Variants in TUSC3 observed in about 807,000 individuals in gnomAD.
TUSC3 encodes the protein dolichyl-diphosphooligosaccharide--protein glycosyltransferase subunit TUSC3.
TUSC3 carries 45 observed loss-of-function variants against 44.8 expected under a neutral mutation model. That is an observed-to-expected ratio of 1.00 (90% CI 0.79 to 1.29). TUSC3 has a LOEUF of 1.29. Among genes scored for constraint, TUSC3 ranks in the 50% most tolerant of loss-of-function variants. The pLI is 0.00. For synonymous variants in TUSC3, 212 were observed against 152.9 expected, an observed-to-expected ratio of 1.39 and a Z score of -2.85; for missense variants, 519 against 437.9, an observed-to-expected ratio of 1.19 and a Z score of -1.65.
intron 1 of TUSC3, among the ~76,000 whole-genome samples, chr8:15,595,110 C>T (rs1804009457): frequency 6.6e-6 from 1 of 152,192 alleles, no homozygotes; most frequent in African/African-American, 2.4e-5. Context: ...GCATTCCCAT[C>T]ACTTTGTTAT....
the TUSC3 span, among the ~76,000 whole-genome samples, chr8:15,799,014 C>G: frequency 5.7e-4 from 87 of 152,282 alleles, no homozygotes; most frequent in African/African-American, 2.0e-3. Context: ...TAGTCAATGT[C>G]TCTTCTATGG....
chr8:15,806,492 T>C, the TUSC3 span: 11 of 1,017,048 alleles, frequency 1.1e-5, no homozygotes, highest in Admixed American at 5.1e-5. Context: ...GACTATTTCA[T>C]TGTAAACTTT....
In TUSC3 at chr8:15,633,710, C is replaced by G. The variant is rs540440544; in HGVS notation, c.308+10461C>G. Among the ~76,000 whole-genome samples the G allele has an allele frequency of 2.0e-5, 3 of 152,254 alleles. No individual in the cohort carries two copies. In the South Asian group the frequency reaches 6.2e-4, roughly 32 times the overall value. On this transcript the variant is annotated intron_variant, in intron 2 of 10. Coordinates refer to ENST00000503731, the MANE Select transcript of TUSC3 (RefSeq NM_006765.4). ...GCCAGGGAATGTCAGGTATTGACAG[C>G]CATCATCAGAAGCTAGGAAGAGGCA...
intron 1 of TUSC3, among the ~76,000 whole-genome samples, chr8:15,618,331 CAGTT>C (rs1346317784): frequency 1.4e-4 from 21 of 152,096 alleles, no homozygotes; most frequent in African/African-American, 2.4e-4. Flanking sequence ...CTTGTAATAA[CAGTT>C]AGCTTAAAAT....
At chr8:15,417,854 C>G (rs984351318) in intron 1 of TUSC3, among the ~76,000 whole-genome samples, 1 of 152,074 alleles carries the variant, frequency 6.6e-6, no homozygotes, top group African/African-American at 2.4e-5. Flanking sequence ...TTCTCTTTCA[C>G]TCTCAGTATG....
intron 1 of TUSC3, among the ~76,000 whole-genome samples, chr8:15,604,055 C>G (rs537484862): frequency 2.3e-4 from 35 of 151,580 alleles, no homozygotes; most frequent in African/African-American, 8.2e-4. Flanking sequence ...ATGGGGTGCC[C>G]TACAGCAATG....
intron 1 of TUSC3, among the ~76,000 whole-genome samples, chr8:15,438,465 C>T (rs1402534402): frequency 6.6e-6 from 1 of 152,082 alleles, no homozygotes; most frequent in Non-Finnish European, 1.5e-5. Context: ...GTCCTGGAAC[C>T]TTAATAATTG....
intron 2 of TUSC3, among the ~76,000 whole-genome samples, chr8:15,645,087 T>TCTG (rs1806564610): frequency 6.6e-6 from 1 of 152,152 alleles, no homozygotes; most frequent in South Asian, 2.1e-4. Context: ...ACCATTAGAG[T>TCTG]AACATTGAAA....
At chr8:15,603,402 T>A (rs1044304955) in intron 1 of TUSC3, among the ~76,000 whole-genome samples, 1 of 151,688 alleles carries the variant, frequency 6.6e-6, no homozygotes, top group Non-Finnish European at 1.5e-5. Context: ...GGAACCCACA[T>A]GTTGCTGGTA....
intron 2 of TUSC3, among the ~76,000 whole-genome samples, chr8:15,496,351 G>T (rs1193547069): frequency 6.6e-6 from 1 of 152,060 alleles, no homozygotes; most frequent in African/African-American, 2.4e-5. Flanking sequence ...CGCCTCTAGG[G>T]GCCATCCTAA....
intron 2 of TUSC3, among the ~76,000 whole-genome samples, chr8:15,632,084 A>G (rs770036307): frequency 2.0e-5 from 3 of 152,150 alleles, no homozygotes; most frequent in Admixed American, 2.0e-4. Context: ...TAATCTTACT[A>G]TATAATTCAT....
intron 6 of TUSC3, among the ~76,000 whole-genome samples, chr8:15,681,151 T>A (rs1808412897): frequency 6.6e-6 from 1 of 151,436 alleles, no homozygotes; most frequent in Non-Finnish European, 1.5e-5. Context: ...TTTGGAATAG[T>A]TTCAGTAAAA....
intron 2 of TUSC3, among the ~76,000 whole-genome samples, chr8:15,515,867 C>T (rs9643925): frequency 0.38 from 58,149 of 151,760 alleles, 13,524 homozygotes; most frequent in Non-Finnish European, 0.52. Flanking sequence ...AACGGAGTTT[C>T]ACCATATTGG....
At chr8:15,512,698 G>T (rs966887516) in intron 2 of TUSC3, among the ~76,000 whole-genome samples, 1 of 151,624 alleles carries the variant, frequency 6.6e-6, no homozygotes. Context: ...GCTTGAACCC[G>T]GGAGGGAGAG....
intron 6 of TUSC3, among the ~76,000 whole-genome samples, chr8:15,703,598 G>A (rs891146406): frequency 5.3e-5 from 8 of 152,122 alleles, no homozygotes; most frequent in African/African-American, 7.2e-5. Flanking sequence ...GAAGCATGGC[G>A]CCAGCATCTG....
intron 6 of TUSC3, among the ~76,000 whole-genome samples, chr8:15,707,795 C>T (rs1267828989): frequency 6.6e-6 from 1 of 151,874 alleles, no homozygotes; most frequent in Non-Finnish European, 1.5e-5. Context: ...TTTAAAACAA[C>T]ACAAATTTGT....
chr8:15,759,235 T>G (rs1812067465), intron 10 of TUSC3, among the ~76,000 whole-genome samples: 1 of 152,120 alleles, frequency 6.6e-6, no homozygotes, highest in Admixed American at 6.6e-5. Flanking sequence ...CCAAATGAAA[T>G]CTGAGCAGCT....
At chr8:15,682,658 G>A (rs1808473052) in intron 6 of TUSC3, among the ~76,000 whole-genome samples, 1 of 152,100 alleles carries the variant, frequency 6.6e-6, no homozygotes, top group Admixed American at 6.6e-5. Flanking sequence ...CGTTAATATT[G>A]ATATGTGAAG....
chr8:15,509,142 A>G (rs1348712942), intron 2 of TUSC3, among the ~76,000 whole-genome samples: 1 of 152,220 alleles, frequency 6.6e-6, no homozygotes, highest in Non-Finnish European at 1.5e-5. Context: ...GTAAGGATGC[A>G]GTCTTTTGCT....
Sources: gnomAD v4.1 joint callset for allele counts (sites outside exome capture counted in the v4.1 genomes callset) on GRCh38, gnomAD v4.1.1 for gene constraint, MANE v1.5 for transcripts, NCBI Gene and HGNC (gene_info 2026-07-23, HGNC 2026-07-21) for gene names.